ZZZ3: variants seen among roughly 807,000 people sequenced by gnomAD.
The protein encoded by ZZZ3 is ZZ-type zinc finger-containing protein 3.
ZZZ3 carries 22 observed loss-of-function variants against 95.2 expected under a neutral mutation model. The observed-to-expected ratio is 0.23, with a 90% CI of 0.17 to 0.33. ZZZ3 has a LOEUF of 0.33. Ranked by LOEUF, ZZZ3 falls within the 10% of genes least tolerant of loss-of-function variation. The probability of loss-of-function intolerance (pLI) is 1.00; values close to 1 mark genes in which losing one functional copy is unlikely to be tolerated. For missense variants in ZZZ3, 885 were observed against 1,066.5 expected, an observed-to-expected ratio of 0.83 and a Z score of 2.37; for synonymous variants, 335 against 358.9, an observed-to-expected ratio of 0.93 and a Z score of 0.75.
chr1:77,680,386 A>C (rs1383580004), intron 1 of ZZZ3, among the ~76,000 whole-genome samples: 1 of 152,040 alleles, frequency 6.6e-6, no homozygotes, highest in Non-Finnish European at 1.5e-5. Flanking sequence ...TTTCTCCCCA[A>C]CTTGTCCAAT....
At chr1:77,629,246 T>C (rs990783178) in intron 5 of ZZZ3, among the ~76,000 whole-genome samples, 12 of 152,116 alleles carry the variant, frequency 7.9e-5, no homozygotes, top group Non-Finnish European at 1.2e-4. Context: ...AAATTAGCTC[T>C]GAGATGCTAA....
chr1:77,638,268 T>C (rs186982631), intron 4 of ZZZ3, among the ~76,000 whole-genome samples: 2 of 152,272 alleles, frequency 1.3e-5, no homozygotes, highest in African/African-American at 4.8e-5. Flanking sequence ...TAATTTCACA[T>C]ATCCTACCCA....
chr1:77,605,180 C>G (rs879855670), intron 5 of ZZZ3, among the ~76,000 whole-genome samples: 1 of 152,130 alleles, frequency 6.6e-6, no homozygotes, highest in South Asian at 2.1e-4. Flanking sequence ...CCACCCCTTC[C>G]CTATCCCCCA....
intron 5 of ZZZ3, among the ~76,000 whole-genome samples, chr1:77,599,312 G>T (rs1183162681): frequency 6.6e-6 from 1 of 151,262 alleles, no homozygotes; most frequent in Non-Finnish European, 1.5e-5. Flanking sequence ...TCTTTATACT[G>T]GTATTACCTA....
intron 12 of ZZZ3, among the ~76,000 whole-genome samples, chr1:77,571,132 T>G (rs962450741): frequency 6.6e-6 from 1 of 152,220 alleles, no homozygotes; most frequent in East Asian, 1.9e-4. Flanking sequence ...TGAAATTTAC[T>G]TAATTCAGAT....
At chr1:77,617,675 A>C (rs575431696) in intron 5 of ZZZ3, among the ~76,000 whole-genome samples, 4 of 152,008 alleles carry the variant, frequency 2.6e-5, no homozygotes, top group African/African-American at 9.7e-5. Context: ...GTGGTGGCTC[A>C]TGCCTGTAAT....
Position 77,576,160 on chromosome 1 carries a change from T to A in ZZZ3, c.2239A>T (p.Met747Leu), listed in dbSNP as rs1661916770. 1 of 1,613,684 alleles carries A rather than the reference T, an allele frequency of 6.2e-7. No individual in the cohort carries two copies. Among genetic ancestry groups the A allele is most frequent in the African/African-American group, 1.3e-5 (1 of 75,006 alleles). The part of the protein sequence containing the change: ...NKHLFKPSTF[M>L]TSHEPPVYMD... ...TACACTGGCGGTTCATGTGAAGTCATGAAAGTGGAAGGCTTAAAGAGATGC... is the reference window on the plus strand; with the variant it reads ...TACACTGGCGGTTCATGTGAAGTCAAGAAAGTGGAAGGCTTAAAGAGATGC... Residue 747 changes from methionine (M) to leucine (L), a missense_variant, in exon 12 of 15, where the codon ATG becomes TTG. This residue lies in a region of ZZZ3 where 221 missense variants were observed against 247.8 expected (regional missense o/e 0.89). Coordinates refer to ENST00000370801, the MANE Select transcript of ZZZ3 (RefSeq NM_015534.6).
intron 1 of ZZZ3, among the ~76,000 whole-genome samples, chr1:77,672,623 A>G (rs1671887077): frequency 6.6e-6 from 1 of 152,248 alleles, no homozygotes; most frequent in Non-Finnish European, 1.5e-5. Flanking sequence ...AACAACTTTC[A>G]GGCGATTATG....
intron 1 of ZZZ3, among the ~76,000 whole-genome samples, chr1:77,674,741 CA>C (rs2101072432): frequency 6.6e-6 from 1 of 152,146 alleles, no homozygotes; most frequent in Admixed American, 6.5e-5. Context: ...CACTTGAGGT[CA>C]GGAGTTCAAA....
chr1:77,613,392 ATT>A (rs1421962223), intron 5 of ZZZ3, among the ~76,000 whole-genome samples: 3 of 151,806 alleles, frequency 2.0e-5, no homozygotes, highest in African/African-American at 7.3e-5. Context: ...AAAGCAAGAT[ATT>A]TACTACATTA....
chr1:77,596,192 A>C (rs1033383522), intron 5 of ZZZ3, among the ~76,000 whole-genome samples: 1 of 152,272 alleles, frequency 6.6e-6, no homozygotes, highest in East Asian at 1.9e-4. Context: ...GACTTTAATC[A>C]AAGTTATTCT....
chr1:77,574,602 C>T (rs7511779), intron 12 of ZZZ3, among the ~76,000 whole-genome samples: 2,945 of 152,204 alleles, frequency 0.019, 104 homozygotes, highest in African/African-American at 0.067. Context: ...AGGACTGACT[C>T]TGGGTCTGAG....
intron 1 of ZZZ3, among the ~76,000 whole-genome samples, chr1:77,667,827 A>T (rs1272505252): frequency 2.8e-5 from 4 of 142,476 alleles, no homozygotes; most frequent in Non-Finnish European, 4.5e-5. Context: ...GTGCAGTGGC[A>T]TGACATTGGT....
At chr1:77,566,245 A>G (rs1570378332) in intron 13 of ZZZ3, 64 bp from the exon 14 acceptor site, 2 of 1,117,864 alleles carry the variant, frequency 1.8e-6, no homozygotes, top group East Asian at 5.2e-5. Flanking sequence ...TTTATTTTCC[A>G]CAAGGAAACA....
At chr1:77,626,769 T>C (rs1667376080) in intron 5 of ZZZ3, among the ~76,000 whole-genome samples, 1 of 152,212 alleles carries the variant, frequency 6.6e-6, no homozygotes, top group Admixed American at 6.5e-5. Flanking sequence ...TTTTCCTTAG[T>C]AATCTTTGAC....
intron 5 of ZZZ3, among the ~76,000 whole-genome samples, chr1:77,605,769 C>A (rs557775130): frequency 6.6e-6 from 1 of 152,108 alleles, no homozygotes; most frequent in African/African-American, 2.4e-5. Flanking sequence ...AGGGAAGGAA[C>A]CAGTCCTGGC....
Position 77,578,859 on chromosome 1 carries a change from C to T in ZZZ3, c.2093G>A (p.Arg698Gln), listed in dbSNP as rs1368052794. 2.6e-6 allele frequency: 4 copies of T among 1,558,054 alleles called. No individual in the cohort carries two copies. Among genetic ancestry groups the T allele is most frequent in the Non-Finnish European group, 3.5e-6 (4 of 1,156,664 alleles). ...GNRTAKQVASRVQKYFIKLTK... is the reference protein window; with the variant it reads ...GNRTAKQVASQVQKYFIKLTK... Reference sequence around the variant, plus strand: ...TAGCTTTATGAAATACTTCTGTACTCGGCTGGCAACCTAAGGAAACATGAC... The same window carrying T: ...TAGCTTTATGAAATACTTCTGTACTTGGCTGGCAACCTAAGGAAACATGAC... Residue 698 changes from arginine (R) to glutamine (Q), a missense_variant, in exon 11 of 15, where the codon CGA becomes CAA. By Grantham distance (43) the Arg-to-Gln change is conservative (BLOSUM62 1). This residue lies in a region of ZZZ3 where 221 missense variants were observed against 247.8 expected (regional missense o/e 0.89). Transcript: ENST00000370801.
intron 5 of ZZZ3, among the ~76,000 whole-genome samples, chr1:77,618,052 C>T (rs1265293731): frequency 6.6e-6 from 1 of 152,074 alleles, no homozygotes; most frequent in African/African-American, 2.4e-5. Context: ...CCATTTTACC[C>T]TGCAACCAGC....
chr1:77,630,465 G>A (rs935057276), intron 5 of ZZZ3, among the ~76,000 whole-genome samples: 3 of 152,000 alleles, frequency 2.0e-5, no homozygotes, highest in Admixed American at 1.3e-4. Context: ...CAACAAGTGC[G>A]ATGCTGTCTC....
Sources: allele counts gnomAD v4.1 joint callset (sites outside exome capture counted in the v4.1 genomes callset), GRCh38; gene constraint gnomAD v4.1.1; regional missense constraint gnomAD v4.1.1; transcripts MANE v1.5; gene names NCBI Gene and HGNC (gene_info 2026-07-23, HGNC 2026-07-21).